The following OSBPL1A variants were observed in gnomAD, a reference collection of about 807,000 sequenced individuals.
The protein encoded by OSBPL1A is oxysterol-binding protein-related protein 1.
A neutral mutation model predicts 137.1 loss-of-function variants in OSBPL1A; 80 were observed. The ratio of observed to expected loss-of-function variants is 0.58; its 90% CI spans 0.49 to 0.70. The LOEUF (loss-of-function observed/expected upper bound fraction) is 0.70. Among genes scored for constraint, OSBPL1A ranks in the 30% least tolerant of loss-of-function variants. The pLI is 0.00. For missense variants in OSBPL1A, 970 were observed against 1,129.4 expected (o/e 0.86, Z 2.02); for synonymous variants, 365 against 389.7 (o/e 0.94, Z 0.75).
intron 17 of OSBPL1A, among the ~76,000 whole-genome samples, chr18:24,198,078 G>A (rs530483259): frequency 5.9e-4 from 90 of 152,068 alleles, no homozygotes; most frequent in Non-Finnish European, 1.1e-3. Flanking sequence ...GTGAGCTACC[G>A]CGCCCAGCCA....
chr18:24,241,603 G>A (rs954553065), intron 15 of OSBPL1A, among the ~76,000 whole-genome samples: 6 of 152,122 alleles, frequency 3.9e-5, no homozygotes, highest in Non-Finnish European at 7.4e-5. Flanking sequence ...TTAGAATGGC[G>A]ATTATTAAAG....
At chr18:24,376,577 C>T (rs917489959) in intron 2 of OSBPL1A, among the ~76,000 whole-genome samples, 3 of 152,248 alleles carry the variant, frequency 2.0e-5, no homozygotes, top group Non-Finnish European at 4.4e-5. Context: ...CACCATGCGC[C>T]CGCACTCCTC....
chr18:24,326,002 T>C (rs867550529), intron 7 of OSBPL1A, among the ~76,000 whole-genome samples: 2 of 152,178 alleles, frequency 1.3e-5, no homozygotes, highest in African/African-American at 4.8e-5. Flanking sequence ...TCCTCCTGCA[T>C]TGGCCTCCCA....
At chr18:24,186,023 G>GAA (rs2086738066) in intron 18 of OSBPL1A, among the ~76,000 whole-genome samples, 1 of 152,090 alleles carries the variant, frequency 6.6e-6, no homozygotes, top group Non-Finnish European at 1.5e-5. Flanking sequence ...AATCATGTTC[G>GAA]TGCCACTGCA....
rs547470938 is a variant in OSBPL1A at position 24,202,475 on chromosome 18, G to T, written c.1602-6275C>A. On this transcript the variant is annotated intron_variant, in intron 17 of 27. Coordinates refer to ENST00000319481, the MANE Select transcript of OSBPL1A (RefSeq NM_080597.4). ...TCTTCTCACTACGTAGGAGCTCTTT[G>T]TGTATTACAGATATTTCATTCACCA... 2.0e-4 allele frequency among the ~76,000 whole-genome samples: 30 copies of T among 152,296 alleles called. No individual in the cohort carries two copies. In the South Asian group the frequency reaches 3.3e-3, roughly 17 times the overall value.
At chr18:24,388,300 G>A (rs147996431) in intron 1 of OSBPL1A, among the ~76,000 whole-genome samples, 1 of 152,080 alleles carries the variant, frequency 6.6e-6, no homozygotes, top group East Asian at 1.9e-4. Flanking sequence ...TCCCTAGCAA[G>A]GTGCCTAGAA....
intron 14 of OSBPL1A, among the ~76,000 whole-genome samples, chr18:24,286,819 T>C (rs1052999675): frequency 1.4e-4 from 21 of 152,170 alleles, no homozygotes; most frequent in African/African-American, 5.1e-4. Context: ...CTGCCAGTTA[T>C]GGAGTGGCAG....
In OSBPL1A at chr18:24,312,059, G is replaced by A. The variant is rs771042016; in HGVS notation, c.1017C>T (p.Tyr339=). The A allele has an allele frequency of 8.7e-6, 14 of 1,614,086 alleles. No homozygotes were observed. The highest frequency in any genetic ancestry group is 1.1e-5 in the Non-Finnish European group (13 of 1,179,942). The change falls in exon 13 of 28, where the codon TAC becomes TAT. Residue 339 remains tyrosine, a synonymous_variant. Coordinates refer to ENST00000319481, the MANE Select transcript of OSBPL1A (RefSeq NM_080597.4). ...CATCAGTCAGCTGGTCCTGGGAACA[G>A]TAGTGAGTGCTGTAAGCAGAATGTT... ...IEEHSAYSTH[Y]CSQDQLTDEE... is the part of the protein sequence containing the mutation.
intron 4 of OSBPL1A, among the ~76,000 whole-genome samples, chr18:24,344,819 T>C (rs2091319383): frequency 6.6e-6 from 1 of 152,034 alleles, no homozygotes. Flanking sequence ...TTTTTTGTTT[T>C]TGTTTTCTTG....
chr18:24,342,330 A>G (rs2091286021), intron 4 of OSBPL1A, among the ~76,000 whole-genome samples: 1 of 152,222 alleles, frequency 6.6e-6, no homozygotes. Context: ...CCAGTTATAC[A>G]ACTTAACAAG....
intron 14 of OSBPL1A, among the ~76,000 whole-genome samples, chr18:24,289,029 A>G (rs2146083987): frequency 6.6e-6 from 1 of 152,260 alleles, no homozygotes; most frequent in Non-Finnish European, 1.5e-5. Context: ...AAGAGGAAGA[A>G]CAATGACTCC....
At chr18:24,232,742 C>T (rs889305650) in intron 16 of OSBPL1A, among the ~76,000 whole-genome samples, 22 of 152,116 alleles carry the variant, frequency 1.4e-4, no homozygotes, top group African/African-American at 5.1e-4. Flanking sequence ...CATGTGACTT[C>T]GATGTAATAA....
intron 20 of OSBPL1A, chr18:24,179,435 TAAA>T (rs77220931): frequency 7.3e-6 from 2 of 274,470 alleles, no homozygotes; most frequent in Non-Finnish European, 6.8e-6. Flanking sequence ...AAACTTAAAG[TAAA>T]AAAAAAAAAC....
intron 15 of OSBPL1A, among the ~76,000 whole-genome samples, chr18:24,263,589 G>A (rs1273248935): frequency 6.6e-6 from 1 of 152,082 alleles, no homozygotes; most frequent in Non-Finnish European, 1.5e-5. Flanking sequence ...CTATCAAAAT[G>A]TATATATTCT....
At position 24,270,178 on chromosome 18, in the gene OSBPL1A, A is replaced by G. The variant is rs79794248; in HGVS notation, c.1281+10664T>C. ...ATAAACAGTCATATATTTGAATGCC[A>G]GAAGTAGTAAGTTTAGCCAACCTTT... On this transcript the variant is annotated intron_variant, in intron 15 of 27. Coordinates refer to ENST00000319481, the MANE Select transcript of OSBPL1A (RefSeq NM_080597.4). Among the ~76,000 whole-genome samples, 1,104 of 152,374 alleles carry G rather than the reference A, an allele frequency of 7.2e-3. 10 individuals carry two copies. The highest frequency in any genetic ancestry group is 0.026 in the African/African-American group (1,064 of 41,588).
At chr18:24,315,699 A>C (rs1216679619) in intron 11 of OSBPL1A, among the ~76,000 whole-genome samples, 1 of 122,214 alleles carries the variant, frequency 8.2e-6, no homozygotes, top group Non-Finnish European at 1.6e-5. Flanking sequence ...ATTATATACT[A>C]TATAATAAAA....
At chr18:24,170,536 T>C (rs768638175) in intron 23 of OSBPL1A, 83 bp from the exon 24 acceptor site, 1 of 1,546,096 alleles carries the variant, frequency 6.5e-7, no homozygotes, top group Non-Finnish European at 8.9e-7. Flanking sequence ...CCAGGCGGTC[T>C]CCCATCCGAG....
chr18:24,301,506 T>G (rs2090399040), intron 14 of OSBPL1A, among the ~76,000 whole-genome samples: 1 of 152,208 alleles, frequency 6.6e-6, no homozygotes, highest in African/African-American at 2.4e-5. Flanking sequence ...ATCTTTTAAA[T>G]CTCCCTACTT....
chr18:24,318,574 T>C (rs373177505), intron 9 of OSBPL1A, 27 bp downstream of exon 9: 1 of 1,574,642 alleles, frequency 6.4e-7, no homozygotes, highest in South Asian at 1.1e-5. Flanking sequence ...TTTACAGTTA[T>C]ATAATTAAAA....
Sources: gnomAD v4.1 joint callset for allele counts (sites outside exome capture counted in the v4.1 genomes callset) on GRCh38, gnomAD v4.1.1 for gene constraint, MANE v1.5 for transcripts, NCBI Gene and HGNC (gene_info 2026-07-23, HGNC 2026-07-21) for gene names.